Variants in DRC11 observed in about 807,000 individuals in gnomAD.
DRC11 encodes dynein regulatory complex subunit 11, also known as IQ and AAA domain-containing protein 1.
the DRC11 span, among the ~76,000 whole-genome samples, chr2:236,467,546 G>C: frequency 2.0e-5 from 3 of 152,082 alleles, no homozygotes; most frequent in South Asian, 6.2e-4. Flanking sequence ...TTTTATACTT[G>C]TGCCTTCCTT....
At chr2:236,406,526 G>C in the DRC11 span, among the ~76,000 whole-genome samples, 1 of 152,200 alleles carries the variant, frequency 6.6e-6, no homozygotes, top group East Asian at 1.9e-4. The surrounding 1 kb of genome is among the most constrained non-coding windows in gnomAD (Gnocchi z 4.7). Context: ...CTCCCCTCTG[G>C]GTCCGTATCC....
At chr2:236,467,300 T>C in the DRC11 span, among the ~76,000 whole-genome samples, 2 of 152,208 alleles carry the variant, frequency 1.3e-5, no homozygotes, top group Admixed American at 1.3e-4. Flanking sequence ...GAGCACCAGA[T>C]TGATCTTTCA....
the DRC11 span, among the ~76,000 whole-genome samples, chr2:236,420,415 T>C: frequency 5.9e-5 from 9 of 152,168 alleles, no homozygotes; most frequent in Admixed American, 5.2e-4. The surrounding 1 kb of genome is among the most constrained non-coding windows in gnomAD (Gnocchi z 4.8). Context: ...CATACACATG[T>C]AGTCCAAGTA....
the DRC11 span, among the ~76,000 whole-genome samples, chr2:236,481,294 A>C: frequency 6.6e-6 from 1 of 152,212 alleles, no homozygotes. Flanking sequence ...AAGGGAACCC[A>C]AGATGGGGAA....
the DRC11 span, chr2:236,368,129 G>A: frequency 5.3e-6 from 5 of 947,814 alleles, no homozygotes; most frequent in South Asian, 2.8e-5. Flanking sequence ...GGAACACACT[G>A]TCCAAACCAG....
the DRC11 span, chr2:236,399,368 C>A: frequency 6.9e-7 from 1 of 1,457,396 alleles, no homozygotes; most frequent in Non-Finnish European, 9.6e-7. The surrounding 1 kb of genome is among the most constrained non-coding windows in gnomAD (Gnocchi z 7.0). Flanking sequence ...GGGTTCCCAG[C>A]ACGTGCTGCT....
chr2:236,309,185 C>T, the DRC11 span, among the ~76,000 whole-genome samples: 1 of 152,210 alleles, frequency 6.6e-6, no homozygotes, highest in Non-Finnish European at 1.5e-5. This position sits in a 1 kb window ranked among gnomAD's most constrained non-coding sequence, Gnocchi z 5.7. Flanking sequence ...GCGGCGGCTC[C>T]CTGCTCCAGG....
At chr2:236,399,356 TG>T in the DRC11 span, 1 of 1,368,678 alleles carries the variant, frequency 7.3e-7, no homozygotes, top group Non-Finnish European at 1.0e-6. The surrounding 1 kb of genome is among the most constrained non-coding windows in gnomAD (Gnocchi z 7.0). Context: ...CCTCCCGTGA[TG>T]GGGTTCCCAG....
At chr2:236,402,472 G>T in the DRC11 span, among the ~76,000 whole-genome samples, 1 of 152,242 alleles carries the variant, frequency 6.6e-6, no homozygotes, top group Non-Finnish European at 1.5e-5. This position sits in a 1 kb window ranked among gnomAD's most constrained non-coding sequence, Gnocchi z 6.0. Flanking sequence ...AAGCAAGGAA[G>T]ACGCAGGAAA....
At chr2:236,421,945 A>T in the DRC11 span, among the ~76,000 whole-genome samples, 2 of 152,246 alleles carry the variant, frequency 1.3e-5, no homozygotes, top group Admixed American at 1.3e-4. Context: ...AAACAGAACC[A>T]ATGACAAAAA....
chr2:236,452,418 G>A, the DRC11 span, among the ~76,000 whole-genome samples: 6 of 152,086 alleles, frequency 3.9e-5, no homozygotes, highest in East Asian at 3.9e-4. This position sits in a 1 kb window ranked among gnomAD's most constrained non-coding sequence, Gnocchi z 4.7. Flanking sequence ...GTTTCCAGCC[G>A]GTCCCCCCCA....
At chr2:236,497,560 T>G in the DRC11 span, 8 of 1,051,988 alleles carry the variant, frequency 7.6e-6, no homozygotes, top group Non-Finnish European at 1.1e-5. The surrounding 1 kb of genome is among the most constrained non-coding windows in gnomAD (Gnocchi z 5.1). Context: ...ATCGGGCCTC[T>G]GGTATAGCAA....
chr2:236,350,398 C>T, the DRC11 span, among the ~76,000 whole-genome samples: 2 of 152,198 alleles, frequency 1.3e-5, no homozygotes, highest in African/African-American at 4.8e-5. This position sits in a 1 kb window ranked among gnomAD's most constrained non-coding sequence, Gnocchi z 5.2. Context: ...TCAATTATTA[C>T]CAAACAAGAC....
At chr2:236,318,866 C>T in the DRC11 span, among the ~76,000 whole-genome samples, 2,536 of 152,232 alleles carry the variant, frequency 0.017, 68 homozygotes, top group African/African-American at 0.056. The surrounding 1 kb of genome is among the most constrained non-coding windows in gnomAD (Gnocchi z 7.0). Flanking sequence ...GCACCCGGCT[C>T]ATCTTCCTTT....
the DRC11 span, chr2:236,332,933 G>C: frequency 6.6e-6 from 1 of 152,106 alleles, no homozygotes; most frequent in Non-Finnish European, 1.5e-5. This position sits in a 1 kb window ranked among gnomAD's most constrained non-coding sequence, Gnocchi z 5.1. Context: ...GTGAAACCAA[G>C]GAGGGCCACA....
At chr2:236,390,570 G>C in the DRC11 span, among the ~76,000 whole-genome samples, 8 of 152,178 alleles carry the variant, frequency 5.3e-5, no homozygotes, top group Non-Finnish European at 1.0e-4. The surrounding 1 kb of genome is among the most constrained non-coding windows in gnomAD (Gnocchi z 5.9). Flanking sequence ...GTAACTTAAC[G>C]ATGTTTTGTA....
the DRC11 span, among the ~76,000 whole-genome samples, chr2:236,334,974 G>T: frequency 6.6e-6 from 1 of 152,196 alleles, no homozygotes; most frequent in African/African-American, 2.4e-5. This position sits in a 1 kb window ranked among gnomAD's most constrained non-coding sequence, Gnocchi z 7.8. Context: ...AGCCTGGGGG[G>T]TGGATTTTCT....
chr2:236,340,270 G>A, the DRC11 span, among the ~76,000 whole-genome samples: 1 of 152,202 alleles, frequency 6.6e-6, no homozygotes, highest in Non-Finnish European at 1.5e-5. Context: ...GATTACAGGT[G>A]TGCACCACCA....
the DRC11 span, among the ~76,000 whole-genome samples, chr2:236,409,229 T>C: frequency 1.3e-5 from 2 of 152,336 alleles, no homozygotes; most frequent in South Asian, 2.1e-4. Context: ...TTCAGCTGCC[T>C]GAGTAGCTGG....
Sources: allele counts gnomAD v4.1 joint callset (sites outside exome capture counted in the v4.1 genomes callset), GRCh38; gene constraint gnomAD v4.1.1; non-coding constraint Gnocchi (gnomAD v3.1); transcripts MANE v1.5; gene names NCBI Gene and HGNC (gene_info 2026-07-23, HGNC 2026-07-21).